NUP160: variants seen among roughly 807,000 people sequenced by gnomAD.
NUP160 encodes nucleoporin 160.
A neutral mutation model predicts 196.9 loss-of-function variants in NUP160; 94 were observed. The observed-to-expected ratio is 0.48, with a 90% CI of 0.40 to 0.57. The LOEUF (loss-of-function observed/expected upper bound fraction) is 0.57, where lower values mean the gene tolerates loss of function less well. Among genes scored for constraint, NUP160 ranks in the 20% least tolerant of loss-of-function variants. The probability of loss-of-function intolerance (pLI) is 0.00; values close to 1 mark genes in which losing one functional copy is unlikely to be tolerated. For missense variants in NUP160, 1,638 were observed against 1,748.3 expected (o/e 0.94, Z 1.13); for synonymous variants, 605 against 619.7 (o/e 0.98, Z 0.35).
chr11:47,831,348 CAGA>C (rs1852068845), intron 7 of NUP160, among the ~76,000 whole-genome samples: 4 of 151,950 alleles, frequency 2.6e-5, no homozygotes, highest in Admixed American at 2.6e-4. Context: ...ATTAAAAAGT[CAGA>C]TAACAACAAG....
chr11:47,779,983 G>A (rs1233626408), intron 35 of NUP160, among the ~76,000 whole-genome samples: 1 of 152,176 alleles, frequency 6.6e-6, no homozygotes, highest in Non-Finnish European at 1.5e-5. Flanking sequence ...GCCCGTCTCA[G>A]CCTTCCAAAG....
intron 22 of NUP160, among the ~76,000 whole-genome samples, chr11:47,802,959 C>G (rs1227311722): frequency 6.6e-6 from 1 of 152,040 alleles, no homozygotes; most frequent in Non-Finnish European, 1.5e-5. Flanking sequence ...GCACTCCAGT[C>G]TGGGTGACAG....
At chr11:47,833,568 G>A (rs1852115672) in intron 7 of NUP160, among the ~76,000 whole-genome samples, 1 of 152,120 alleles carries the variant, frequency 6.6e-6, no homozygotes. Flanking sequence ...TATGATTTCA[G>A]AAAACTTCGT....
chr11:47,847,719 T>C, intron 2 of NUP160, 129 bp downstream of exon 2: 2 of 645,864 alleles, frequency 3.1e-6, no homozygotes, highest in Non-Finnish European at 5.6e-6. Flanking sequence ...TGATACGAAC[T>C]GAAAAAACAA....
intron 7 of NUP160, among the ~76,000 whole-genome samples, chr11:47,824,814 GT>G (rs71045522): frequency 0.36 from 51,395 of 144,338 alleles, 10,187 homozygotes; most frequent in South Asian, 0.53. Flanking sequence ...TTTTTCTTTT[GT>G]TTTTTTTTTT....
At chr11:47,800,699 T>C (rs922438108) in intron 23 of NUP160, among the ~76,000 whole-genome samples, 4 of 152,274 alleles carry the variant, frequency 2.6e-5, no homozygotes, top group African/African-American at 9.6e-5. Context: ...CAAGGGTTAT[T>C]AAGAGCTACA....
intron 7 of NUP160, among the ~76,000 whole-genome samples, chr11:47,832,639 G>A (rs1256609033): frequency 1.3e-5 from 2 of 152,146 alleles, no homozygotes; most frequent in East Asian, 1.9e-4. Flanking sequence ...TCATAGCCTC[G>A]CCCTGCCTGG....
At chr11:47,839,020 TAAAAG>T (rs1177061185) in intron 4 of NUP160, among the ~76,000 whole-genome samples, 26 of 143,052 alleles carry the variant, frequency 1.8e-4, no homozygotes, top group African/African-American at 5.5e-4. Context: ...AAAAAAAGAA[TAAAAG>T]AAAAGTTGTG....
chr11:47,824,641 AT>A (rs1262566333), intron 7 of NUP160, among the ~76,000 whole-genome samples: 1 of 151,614 alleles, frequency 6.6e-6, no homozygotes, highest in African/African-American at 2.4e-5. Context: ...AAACAAACTT[AT>A]TTATTTTTAT....
At chr11:47,813,155 C>T in intron 14 of NUP160, 108 bp from the exon 15 acceptor site, 1 of 999,956 alleles carries the variant, frequency 1.0e-6, no homozygotes, top group Non-Finnish European at 1.5e-6. Context: ...TATCTGAGGT[C>T]TCAGAGATGC....
chr11:47,800,760 T>C (rs2084685187), intron 23 of NUP160, among the ~76,000 whole-genome samples: 1 of 152,180 alleles, frequency 6.6e-6, no homozygotes. Context: ...AACAAAACAG[T>C]GAAGACTGCT....
At chr11:47,783,885 G>T (rs960658152) in intron 33 of NUP160, among the ~76,000 whole-genome samples, 2 of 151,834 alleles carry the variant, frequency 1.3e-5, no homozygotes, top group Non-Finnish European at 2.9e-5. Context: ...GTGGAGATGG[G>T]GTTTCACCAT....
Position 47,797,768 on chromosome 11 carries a change from A to T in NUP160, c.3289+11T>A, listed in dbSNP as rs1222970727. On this transcript the variant is annotated intron_variant, in intron 27 of 35. Coordinates refer to ENST00000378460, the Ensembl canonical transcript of NUP160. Reference sequence around the variant, plus strand: ...GCTGTCTGCAAGATACTGTCTGGTTACATTGCTCACCCTTGCGGTAATTGT... The same window carrying T: ...GCTGTCTGCAAGATACTGTCTGGTTTCATTGCTCACCCTTGCGGTAATTGT... 1.3e-5 allele frequency: 20 copies of T among 1,578,666 alleles called. No homozygotes were observed. The highest frequency in any genetic ancestry group is 1.7e-5 in the Non-Finnish European group (20 of 1,147,854).
At chr11:47,802,471 T>C (rs535483009) in intron 22 of NUP160, among the ~76,000 whole-genome samples, 1 of 152,056 alleles carries the variant, frequency 6.6e-6, no homozygotes, top group East Asian at 1.9e-4. Flanking sequence ...AATAAGATGA[T>C]TGACACATAC....
intron 25 of NUP160, 22 bp downstream of exon 25, chr11:47,798,146 C>T: frequency 6.3e-7 from 1 of 1,589,368 alleles, no homozygotes; most frequent in Non-Finnish European, 8.6e-7. Context: ...ATTGTCTTCT[C>T]TAAAAAAGGC....
At chr11:47,840,352 A>G in intron 3 of NUP160, 26 bp downstream of exon 3, 1 of 1,577,264 alleles carries the variant, frequency 6.3e-7, no homozygotes. Flanking sequence ...TTGGGAAATA[A>G]AAGATATTGC....
chr11:47,798,327 C>T (rs1260609390), intron 24 of NUP160, 41 bp downstream of exon 24: 13 of 1,551,810 alleles, frequency 8.4e-6, no homozygotes, highest in Non-Finnish European at 1.2e-5. Flanking sequence ...ACACCCACAA[C>T]AAACCTTAAA....
intron 2 of NUP160, among the ~76,000 whole-genome samples, chr11:47,843,336 T>A (rs1277235897): frequency 6.6e-6 from 1 of 152,180 alleles, no homozygotes; most frequent in Non-Finnish European, 1.5e-5. Flanking sequence ...CAAAGGCCAA[T>A]TTTCGTTTCT....
At chr11:47,838,260 T>C (rs535178934) in intron 4 of NUP160, among the ~76,000 whole-genome samples, 3 of 152,146 alleles carry the variant, frequency 2.0e-5, no homozygotes, top group East Asian at 1.9e-4. Flanking sequence ...GAAGTAGGGG[T>C]GTTCCTGGCA....
Sources: gnomAD v4.1 joint callset for allele counts (sites outside exome capture counted in the v4.1 genomes callset) on GRCh38, gnomAD v4.1.1 for gene constraint, MANE v1.5 for transcripts, NCBI Gene and HGNC (gene_info 2026-07-23, HGNC 2026-07-21) for gene names.